DYNC2H1: variants seen among roughly 807,000 people sequenced by gnomAD.
DYNC2H1 encodes cytoplasmic dynein 2 heavy chain 1.
Under a neutral mutation model 570.0 loss-of-function variants are expected in DYNC2H1, and 410 were observed. That is an observed-to-expected ratio of 0.72 (90% CI 0.66 to 0.78). The LOEUF (loss-of-function observed/expected upper bound fraction) is 0.78, where lower values mean the gene tolerates loss of function less well. Among genes scored for constraint, DYNC2H1 ranks in the 30% least tolerant of loss-of-function variants. The pLI is 0.00. For missense variants in DYNC2H1, 4,865 were observed against 5,046.4 expected, an observed-to-expected ratio of 0.96 and a Z score of 1.09; for synonymous variants, 1,688 against 1,677.6, an observed-to-expected ratio of 1.01 and a Z score of -0.15.
rs781071912 is a variant in DYNC2H1 at position 103,235,812 on chromosome 11, G to A, written c.9708G>A (p.Glu3236=). The change falls in exon 62 of 89, where the codon GAG becomes GAA. Residue 3236 remains glutamate (E), a splice_region_variant and synonymous_variant. Transcript: ENST00000375735. ...AATGGACCAAGTCAGCTGGTCTTGA[G>A]AGTTTGTATTTAGTTATTCCTGATC... is the stretch of plus-strand genomic sequence containing the variant. The part of the protein sequence containing the change: ...LEEWTKSAGL[E]KFDLRRFLCT... 2.5e-6 allele frequency: 4 copies of A among 1,610,644 alleles called. No individual in the cohort carries two copies. In the South Asian group the frequency reaches 4.4e-5, roughly 18 times the overall value.
At chr11:103,447,178 T>TAAAA (rs1555135732) in intron 85 of DYNC2H1, among the ~76,000 whole-genome samples, 2 of 152,184 alleles carry the variant, frequency 1.3e-5, no homozygotes, top group Admixed American at 6.5e-5. Flanking sequence ...TACTTTTTTA[T>TAAAA]ATCAAATATT....
chr11:103,365,087 G>A (rs561861841), intron 83 of DYNC2H1, among the ~76,000 whole-genome samples: 357 of 152,232 alleles, frequency 2.3e-3, no homozygotes, highest in Non-Finnish European at 4.2e-3. Flanking sequence ...GTGCCCAGGT[G>A]CGGTGGCTCA....
chr11:103,414,395 T>C (rs1943202403), intron 84 of DYNC2H1, among the ~76,000 whole-genome samples: 1 of 145,602 alleles, frequency 6.9e-6, no homozygotes. Context: ...CCGAGGCACA[T>C]GGATCACGAG....
At chr11:103,236,614 A>G (rs1864232294) in intron 63 of DYNC2H1, 75 bp downstream of exon 63, 1 of 786,890 alleles carries the variant, frequency 1.3e-6, no homozygotes, top group South Asian at 1.8e-5. Flanking sequence ...TGTTCTTCGT[A>G]TTCTTAGTCT....
At chr11:103,340,046 G>T (rs1939365961) in intron 82 of DYNC2H1, among the ~76,000 whole-genome samples, 1 of 152,200 alleles carries the variant, frequency 6.6e-6, no homozygotes, top group Admixed American at 6.5e-5. Context: ...GAGGAATGTT[G>T]TAGGTAATGC....
At chr11:103,250,422 T>G (rs961213478) in intron 65 of DYNC2H1, among the ~76,000 whole-genome samples, 3 of 152,116 alleles carry the variant, frequency 2.0e-5, no homozygotes, top group Non-Finnish European at 2.9e-5. Context: ...CATGATGCTG[T>G]GTTTGGACTC....
intron 83 of DYNC2H1, among the ~76,000 whole-genome samples, chr11:103,382,416 T>C (rs971309064): frequency 3.9e-5 from 6 of 152,200 alleles, no homozygotes; most frequent in African/African-American, 1.2e-4. Context: ...CTAAAGAATA[T>C]GCTAAAGTTA....
At position 103,203,794 on chromosome 11, in the gene DYNC2H1, C is replaced by T. The variant is rs1363065559; in HGVS notation, c.8311+18C>T. 6.6e-7 allele frequency: 1 copy of T among 1,517,316 alleles called. No individual in the cohort carries two copies. The highest frequency in any genetic ancestry group is 1.8e-5 in the Admixed American group (1 of 54,456). The allele number at this position is 1,517,316 out of a possible 1,614,324, so 94.0% of individuals were successfully genotyped here. ...CACATATAGTAAGTGACATAGAATT[C>T]ATTAATCAAATCAAACTGGTTTGTA... On this transcript the variant is annotated intron_variant, in intron 51 of 88. Transcript: ENST00000375735. The surrounding 1 kb of genome is among the most constrained non-coding windows in gnomAD (Gnocchi z 4.7).
rs2134838931 is a variant in DYNC2H1, at chr11:103,145,074, G to A, written c.2702+1679G>A. Among the ~76,000 whole-genome samples, 1 of 152,072 alleles carries A rather than the reference G, an allele frequency of 6.6e-6. No individual in the cohort carries two copies. The highest frequency in any genetic ancestry group is 2.4e-5 in the African/African-American group (1 of 41,498). Reference sequence around the variant, plus strand: ...TTTTTGTATTTTTAGTAGAGGTGGGGTTTATTATGTTGGCCAGGCTGGTCT... The same window carrying A: ...TTTTTGTATTTTTAGTAGAGGTGGGATTTATTATGTTGGCCAGGCTGGTCT... On this transcript the variant is annotated intron_variant, in intron 18 of 88. Transcript: ENST00000375735. The surrounding 1 kb of genome is among the most constrained non-coding windows in gnomAD (Gnocchi z 4.2).
At chr11:103,188,321 G>T (rs1306905172) in intron 43 of DYNC2H1, among the ~76,000 whole-genome samples, 176 bp from the exon 44 acceptor site, 1 of 151,868 alleles carries the variant, frequency 6.6e-6, no homozygotes, top group Non-Finnish European at 1.5e-5. Context: ...ACAGAGATTT[G>T]AACAGTATTA....
intron 85 of DYNC2H1, among the ~76,000 whole-genome samples, chr11:103,448,661 A>T (rs1944502474): frequency 6.6e-6 from 1 of 152,184 alleles, no homozygotes; most frequent in Admixed American, 6.5e-5. Context: ...TTAAATCTGG[A>T]GATAAGAAAT....
chr11:103,374,310 A>G (rs1941300999), intron 83 of DYNC2H1, among the ~76,000 whole-genome samples: 2 of 152,154 alleles, frequency 1.3e-5, no homozygotes, highest in Non-Finnish European at 2.9e-5. Flanking sequence ...TGATGATTTT[A>G]TAAGCTACTG....
In DYNC2H1 at chr11:103,410,243, T is replaced by G. The variant is rs75523986; in HGVS notation, c.12366+10371T>G. On this transcript the variant is annotated intron_variant, in intron 84 of 88. Transcript: ENST00000375735. ...GGCAGTGTGTGTGTGCTTCATGGCC[T>G]TATTCAACCAAGCACTCTACTCTTG... Among the ~76,000 whole-genome samples the G allele has an allele frequency of 5.5e-3, 841 of 152,260 alleles. 13 individuals are homozygous for G. Among genetic ancestry groups the G allele is most frequent in the African/African-American group, 0.019 (809 of 41,572 alleles).
chr11:103,221,299 C>T (rs1248258056), intron 57 of DYNC2H1, among the ~76,000 whole-genome samples: 3 of 151,920 alleles, frequency 2.0e-5, no homozygotes, highest in Non-Finnish European at 4.4e-5. Flanking sequence ...TGGTTTGTGC[C>T]GATATTAAGT....
At position 103,439,162 on chromosome 11, in the gene DYNC2H1, C is replaced by T. The variant is rs1192571064; in HGVS notation, c.12456+3130C>T. ...TAAGAGAAGAGTGATAAAGGAAGTACAGTATTATGGAAGCAAATAGCACTA... is the reference window on the plus strand; with the variant it reads ...TAAGAGAAGAGTGATAAAGGAAGTATAGTATTATGGAAGCAAATAGCACTA... On this transcript the variant is annotated intron_variant, in intron 85 of 88. Coordinates refer to ENST00000375735, the MANE Select transcript of DYNC2H1 (RefSeq NM_001377.3). The surrounding 1 kb of genome is among the most constrained non-coding windows in gnomAD (Gnocchi z 4.1). Among the ~76,000 whole-genome samples, 1 of 151,890 alleles carries T rather than the reference C, an allele frequency of 6.6e-6. No homozygotes were observed. The highest frequency in any genetic ancestry group is 1.5e-5 in the Non-Finnish European group (1 of 67,990).
intron 65 of DYNC2H1, among the ~76,000 whole-genome samples, chr11:103,247,133 G>A (rs1864649674): frequency 6.6e-6 from 1 of 151,932 alleles, no homozygotes; most frequent in Admixed American, 6.6e-5. Context: ...TTGAGGGAGA[G>A]GCTAGTGTAG....
In DYNC2H1 at chr11:103,223,098, A is replaced by G. The variant is rs1339670957; in HGVS notation, c.9353+12A>G. On this transcript the variant is annotated intron_variant, in intron 59 of 88. Transcript: ENST00000375735. The stretch of plus-strand genomic sequence containing the variant: ...GCAGGATTAGAATCGTAAGTGAAAT[A>G]TAAAATATAAACAATTCTAACCTTT... 7 of 1,583,084 alleles carry G rather than the reference A, an allele frequency of 4.4e-6. No individual in the cohort carries two copies. Among genetic ancestry groups the G allele is most frequent in the Non-Finnish European group, 6.0e-6 (7 of 1,163,824 alleles).
At position 103,277,042 on chromosome 11, in the gene DYNC2H1, C is replaced by G. The variant is rs1191874503; in HGVS notation, c.10696-3306C>G. Among the ~76,000 whole-genome samples, 3 of 151,996 alleles carry G rather than the reference C, an allele frequency of 2.0e-5. No individual in the cohort carries two copies. In the East Asian group the frequency reaches 5.8e-4, roughly 29 times the overall value. On this transcript the variant is annotated intron_variant, in intron 70 of 88. Transcript: ENST00000375735. The surrounding 1 kb of genome is among the most constrained non-coding windows in gnomAD (Gnocchi z 4.3). ...CTTACAATTCTTATTTTAACATATG[C>G]CACTTAATTTTTTAAATTACAAGTT... is the stretch of plus-strand genomic sequence containing the variant.
chr11:103,479,150 G>C lies in DYNC2H1; in HGVS notation c.12821G>C (p.Ser4274Thr). 6.2e-7 allele frequency: 1 copy of C among 1,613,808 alleles called. No individual in the cohort carries two copies. The highest frequency in any genetic ancestry group is 1.7e-5 in the Admixed American group (1 of 60,014). The change falls in exon 89 of 89, where the codon AGT becomes ACT. Residue 4274 changes from serine (S) to threonine (T), a missense_variant. Physicochemically the swap from Ser to Thr is moderately conservative, Grantham distance 58 (BLOSUM62 1). Transcript: ENST00000375735. ...TGCATCTCTTTGCCTGTTTACACAAGTGCTGAAAGGGATCGTGTGGTTACC... is the reference window on the plus strand; with the variant it reads ...TGCATCTCTTTGCCTGTTTACACAACTGCTGAAAGGGATCGTGTGGTTACC... ...DECISLPVYTSAERDRVVTNI... is the reference protein window; with the variant it reads ...DECISLPVYTTAERDRVVTNI...
Sources: allele counts gnomAD v4.1 joint callset (sites outside exome capture counted in the v4.1 genomes callset), GRCh38; gene constraint gnomAD v4.1.1; non-coding constraint Gnocchi (gnomAD v3.1); transcripts MANE v1.5; gene names NCBI Gene and HGNC (gene_info 2026-07-23, HGNC 2026-07-21).